Variants in TMEFF2 observed in about 807,000 individuals in gnomAD.
TMEFF2 encodes the protein transmembrane protein with EGF like and two follistatin like domains 2.
TMEFF2 carries 28 observed loss-of-function variants against 53.8 expected under a neutral mutation model. The observed-to-expected ratio is 0.52, with a 90% CI of 0.39 to 0.71. The LOEUF (loss-of-function observed/expected upper bound fraction) is 0.71, where lower values mean the gene tolerates loss of function less well. Among genes scored for constraint, TMEFF2 ranks in the 30% least tolerant of loss-of-function variants. TMEFF2 has a pLI of 0.00. For missense variants in TMEFF2, 353 were observed against 455.2 expected, an observed-to-expected ratio of 0.78 and a Z score of 2.04; for synonymous variants, 162 against 166.3, an observed-to-expected ratio of 0.97 and a Z score of 0.20.
chr2:192,098,557 T>C (rs1403149273), intron 4 of TMEFF2, among the ~76,000 whole-genome samples: 1 of 152,192 alleles, frequency 6.6e-6, no homozygotes, highest in Non-Finnish European at 1.5e-5. Context: ...GGTACTACCA[T>C]GTTTTCCAGT....
At chr2:192,156,432 T>C (rs78041885) in intron 4 of TMEFF2, among the ~76,000 whole-genome samples, 8,509 of 152,002 alleles carry the variant, frequency 0.056, 704 homozygotes, top group African/African-American at 0.19. Flanking sequence ...TAGGAAGAAG[T>C]GGCATTTCCA....
intron 4 of TMEFF2, among the ~76,000 whole-genome samples, chr2:192,116,629 G>T (rs1191682714): frequency 1.3e-5 from 2 of 152,006 alleles, no homozygotes; most frequent in Non-Finnish European, 2.9e-5. Flanking sequence ...TGTTCAAGTT[G>T]TTAACAATCT....
chr2:192,044,989 C>T (rs1188091123), intron 5 of TMEFF2, among the ~76,000 whole-genome samples: 1 of 152,074 alleles, frequency 6.6e-6, no homozygotes, highest in Non-Finnish European at 1.5e-5. Context: ...GCTCTTGGCA[C>T]AAGTAAGTTA....
At chr2:192,007,754 G>A (rs1483479931) in intron 5 of TMEFF2, among the ~76,000 whole-genome samples, 1 of 152,182 alleles carries the variant, frequency 6.6e-6, no homozygotes, top group Non-Finnish European at 1.5e-5. Flanking sequence ...GCAGTAGAGT[G>A]CAGGCAGAGG....
In TMEFF2 at chr2:192,116,150, T is replaced by C. The variant is rs577893249; in HGVS notation, c.440-58375A>G. Among the ~76,000 whole-genome samples the C allele has an allele frequency of 5.3e-5, 8 of 152,144 alleles. No homozygotes were observed. The South Asian group carries it at 6.2e-4, about 12-fold the overall frequency. On this transcript the variant is annotated intron_variant, in intron 4 of 9. Coordinates refer to ENST00000272771, the MANE Select transcript of TMEFF2 (RefSeq NM_016192.4). The stretch of plus-strand genomic sequence containing the variant: ...ACATAAACACAATGAAATATTTTTT[T>C]CAGACTTAAAAAGAAGAAAATCTTG...
At chr2:192,181,277 C>CAGT (rs571780145) in intron 3 of TMEFF2, among the ~76,000 whole-genome samples, 237 of 151,816 alleles carry the variant, frequency 1.6e-3, no homozygotes, top group Non-Finnish European at 2.8e-3. Context: ...AAGTTTAATT[C>CAGT]AGTATTACTT....
At chr2:192,124,006 A>T (rs1689619981) in intron 4 of TMEFF2, among the ~76,000 whole-genome samples, 1 of 152,232 alleles carries the variant, frequency 6.6e-6, no homozygotes, top group African/African-American at 2.4e-5. Flanking sequence ...ACTGGCACTG[A>T]CAGGAGTGCA....
At chr2:192,094,882 C>A (rs1340041278) in intron 4 of TMEFF2, among the ~76,000 whole-genome samples, 1 of 152,064 alleles carries the variant, frequency 6.6e-6, no homozygotes, top group Non-Finnish European at 1.5e-5. Context: ...TAATATAGAA[C>A]AATTAGTTTT....
In TMEFF2 at chr2:191,950,220, G is replaced by A; in HGVS notation, c.*91C>T. ...GATTACCACAAATGCAAGGCAACAT[G>A]TGTAGATCTCTTGTCTTATTCTTTT... On this transcript the variant is annotated 3_prime_UTR_variant, in exon 10 of 10. Transcript: ENST00000272771. 6.3e-7 allele frequency: 1 copy of A among 1,574,962 alleles called. No homozygotes were observed. The highest frequency in any genetic ancestry group is 8.6e-7 in the Non-Finnish European group (1 of 1,161,592).
At chr2:192,092,906 C>T (rs981151899) in intron 4 of TMEFF2, among the ~76,000 whole-genome samples, 2 of 152,072 alleles carry the variant, frequency 1.3e-5, no homozygotes, top group African/African-American at 4.8e-5. Context: ...CGTTAATACT[C>T]GCCCTGTAAG....
At chr2:192,128,200 G>A (rs1689724672) in intron 4 of TMEFF2, among the ~76,000 whole-genome samples, 1 of 152,020 alleles carries the variant, frequency 6.6e-6, no homozygotes, top group South Asian at 2.1e-4. Context: ...TTTTCAAGAA[G>A]CTAAAAATGC....
chr2:192,181,956 TA>T (rs1691196260), intron 3 of TMEFF2, among the ~76,000 whole-genome samples: 1 of 151,816 alleles, frequency 6.6e-6, no homozygotes, highest in Non-Finnish European at 1.5e-5. Flanking sequence ...CAACTGATGA[TA>T]AATAGCCTAC....
chr2:192,174,979 C>A (rs772417371), intron 4 of TMEFF2, among the ~76,000 whole-genome samples: 1 of 151,586 alleles, frequency 6.6e-6, no homozygotes, highest in Non-Finnish European at 1.5e-5. Flanking sequence ...ATATTCAATT[C>A]CTTGTTATTT....
chr2:192,134,466 A>AG (rs1243613745), intron 4 of TMEFF2, among the ~76,000 whole-genome samples: 1 of 152,202 alleles, frequency 6.6e-6, no homozygotes, highest in Non-Finnish European at 1.5e-5. Flanking sequence ...ACAAGCCACT[A>AG]GCCCGCCTCT....
intron 4 of TMEFF2, among the ~76,000 whole-genome samples, chr2:192,127,671 C>A (rs995523194): frequency 3.2e-5 from 1 of 31,132 alleles, no homozygotes; most frequent in Non-Finnish European, 6.2e-5. Context: ...AGCAACAGTA[C>A]AATTATGTAA....
intron 5 of TMEFF2, among the ~76,000 whole-genome samples, chr2:192,047,939 A>G (rs1687663719): frequency 1.3e-5 from 2 of 152,178 alleles, no homozygotes; most frequent in Non-Finnish European, 2.9e-5. Context: ...ACCCGATTTA[A>G]TACACCTTTG....
At chr2:192,185,148 A>C (rs1338079894) in intron 2 of TMEFF2, among the ~76,000 whole-genome samples, 2 of 152,102 alleles carry the variant, frequency 1.3e-5, no homozygotes. Context: ...TTTACCGACT[A>C]TTCCAAAGTA....
chr2:192,053,854 T>C (rs915913830), intron 5 of TMEFF2, among the ~76,000 whole-genome samples: 2 of 152,168 alleles, frequency 1.3e-5, no homozygotes, highest in Non-Finnish European at 2.9e-5. Flanking sequence ...TCCTGTGTCC[T>C]TCAGCTGTTT....
At position 192,151,660 on chromosome 2, in the gene TMEFF2, A is replaced by G. The variant is rs542548031; in HGVS notation, c.439+28008T>C. 6.6e-5 allele frequency among the ~76,000 whole-genome samples: 10 copies of G among 152,012 alleles called. No homozygotes were observed. In the East Asian group the frequency reaches 1.7e-3, roughly 27 times the overall value. ...TAGAAGTGTAAACAGGAACCAGAGAAGTAAATTGTTCTCAAACTTTTCTCT... is the reference window on the plus strand; with the variant it reads ...TAGAAGTGTAAACAGGAACCAGAGAGGTAAATTGTTCTCAAACTTTTCTCT... On this transcript the variant is annotated intron_variant, in intron 4 of 9. Transcript: ENST00000272771.
Sources: allele counts gnomAD v4.1 joint callset (sites outside exome capture counted in the v4.1 genomes callset), GRCh38; gene constraint gnomAD v4.1.1; transcripts MANE v1.5; gene names NCBI Gene and HGNC (gene_info 2026-07-23, HGNC 2026-07-21).